FAM193A: variants seen among roughly 807,000 people sequenced by gnomAD.
FAM193A encodes the protein protein FAM193A.
FAM193A carries 22 observed loss-of-function variants against 126.5 expected under a neutral mutation model. The observed-to-expected ratio is 0.17, with a 90% CI of 0.12 to 0.25. FAM193A has a LOEUF of 0.25. Ranked by LOEUF, FAM193A falls within the 10% of genes least tolerant of loss-of-function variation. The pLI, the probability that FAM193A is intolerant of heterozygous loss-of-function variation, is 1.00. For synonymous variants in FAM193A, 761 were observed against 646.8 expected (o/e 1.18, Z -2.68); for missense variants, 1,675 against 1,672.8 (o/e 1.00, Z -0.02).
chr4:2,701,219 A>G (rs962220404), intron 19 of FAM193A, among the ~76,000 whole-genome samples: 1 of 151,418 alleles, frequency 6.6e-6, no homozygotes, highest in Non-Finnish European at 1.5e-5. Flanking sequence ...CACTGATCCA[A>G]TGCTATTCTC....
intron 10 of FAM193A, 65 bp downstream of exon 10, chr4:2,660,119 C>T: frequency 6.6e-7 from 1 of 1,510,066 alleles, no homozygotes; most frequent in East Asian, 2.3e-5. Flanking sequence ...GAAATACATA[C>T]AGTAATGTCC....
intron 19 of FAM193A, among the ~76,000 whole-genome samples, chr4:2,710,809 T>A (rs1169121795): frequency 6.6e-6 from 1 of 151,470 alleles, no homozygotes; most frequent in Non-Finnish European, 1.5e-5. Flanking sequence ...CCAGCCTACC[T>A]TGTTAATTTC....
chr4:2,642,973 G>T (rs1744788753), intron 6 of FAM193A, among the ~76,000 whole-genome samples: 2 of 152,116 alleles, frequency 1.3e-5, no homozygotes, highest in East Asian at 1.9e-4. Context: ...CCTAGTTCTG[G>T]ATTTTCCGTT....
chr4:2,712,526 G>T (rs1400530417), intron 19 of FAM193A, among the ~76,000 whole-genome samples: 2 of 152,114 alleles, frequency 1.3e-5, no homozygotes, highest in African/African-American at 4.8e-5. Flanking sequence ...CGGCCCATTT[G>T]CCTGACGAGA....
intron 1 of FAM193A, among the ~76,000 whole-genome samples, chr4:2,577,966 G>A (rs1011439295): frequency 6.6e-6 from 1 of 152,126 alleles, no homozygotes. Flanking sequence ...CCATTAGCAC[G>A]TATTATGTAC....
Position 2,699,837 on chromosome 4 carries a change from G to A in FAM193A, c.3665G>A (p.Arg1222Lys), listed in dbSNP as rs771325069. 1.2e-6 allele frequency: 2 copies of A among 1,613,916 alleles called. No individual in the cohort carries two copies. Among genetic ancestry groups the A allele is most frequent in the South Asian group, 2.2e-5 (2 of 91,082 alleles). ...CGGCTTCAGGAGCTTCAGAAGCTAA[G>A]AGCTGTAAAAAAGAAGAAGAAGGAG... ...FQRLQELQKLRAVKKKKKERP... is the reference protein window; with the variant it reads ...FQRLQELQKLKAVKKKKKERP... Residue 1222 changes from arginine to lysine, a missense_variant, in exon 19 of 21, where the codon AGA (arginine) becomes AAA (lysine). This residue lies in a region of FAM193A where 415 missense variants were observed against 396.7 expected (regional missense o/e 1.05). Transcript: ENST00000637812.
chr4:2,634,716 G>A (rs1247284155), intron 5 of FAM193A, among the ~76,000 whole-genome samples: 3 of 152,178 alleles, frequency 2.0e-5, no homozygotes, highest in South Asian at 2.1e-4. Context: ...GCAAGGAAAC[G>A]TATCAGATTT....
intron 6 of FAM193A, among the ~76,000 whole-genome samples, chr4:2,642,894 G>T (rs1170851496): frequency 6.6e-6 from 1 of 151,734 alleles, no homozygotes; most frequent in South Asian, 2.1e-4. Flanking sequence ...CACCACACCC[G>T]GCTAATTTTT....
intron 4 of FAM193A, among the ~76,000 whole-genome samples, chr4:2,627,385 A>AAACAGGTGGGTTTCTTTCTCACAT (rs1560494614): frequency 1.5e-4 from 20 of 137,778 alleles, no homozygotes; most frequent in Admixed American, 2.6e-4. Context: ...GGTCTCTAAC[A>AAACAGGTGGGTTTCTTTCTCACAT]TAATCCACCT....
intron 15 of FAM193A, 108 bp from the exon 16 acceptor site, chr4:2,693,478 G>A (rs571667516): frequency 2.2e-5 from 23 of 1,036,454 alleles, no homozygotes; most frequent in Middle Eastern, 4.4e-4. Flanking sequence ...TGAAGATGAA[G>A]CAAGGTGAAG....
intron 20 of FAM193A, among the ~76,000 whole-genome samples, chr4:2,722,995 C>T (rs866633195): frequency 7.9e-5 from 12 of 152,274 alleles, no homozygotes; most frequent in East Asian, 5.8e-4. Flanking sequence ...TACTTTAGGC[C>T]GGGCGCAGTG....
chr4:2,568,973 C>CT (rs753557878), intron 1 of FAM193A, among the ~76,000 whole-genome samples: 62,390 of 90,676 alleles, frequency 0.69, 22,236 homozygotes, highest in East Asian at 0.84. Context: ...TGTTGTTTTG[C>CT]TTTTTTTTTT....
At chr4:2,707,122 C>A (rs1365843757) in intron 19 of FAM193A, among the ~76,000 whole-genome samples, 1 of 151,552 alleles carries the variant, frequency 6.6e-6, no homozygotes, top group East Asian at 1.9e-4. Flanking sequence ...ACTCTGTCTC[C>A]CCCCACAAAA....
rs1721519726 is a variant in FAM193A at position 2,732,559 on chromosome 4, A to G, written c.*691A>G. On this transcript the variant is annotated 3_prime_UTR_variant, in exon 21 of 21. Transcript: ENST00000637812. ...TCTTTCTTTTTGAAAGATGGAATACATTAGTACAGCAGGAGACCTCGGCTG... is the reference window on the plus strand; with the variant it reads ...TCTTTCTTTTTGAAAGATGGAATACGTTAGTACAGCAGGAGACCTCGGCTG... 1 of 152,760 alleles carries G rather than the reference A, an allele frequency of 6.5e-6. No homozygotes were observed. The highest frequency in any genetic ancestry group is 2.1e-4 in the South Asian group (1 of 4,848). 9.5% of individuals were successfully genotyped at this position (152,760 alleles called of 1,614,324 possible).
In FAM193A at chr4:2,727,300, T is replaced by C. The variant is rs960606831; in HGVS notation, c.4455-4475T>C. Among the ~76,000 whole-genome samples, 21 of 152,174 alleles carry C rather than the reference T, an allele frequency of 1.4e-4. 1 individual carries two copies. Among genetic ancestry groups the C allele is most frequent in the Admixed American group, 1.2e-3 (19 of 15,270 alleles). On this transcript the variant is annotated intron_variant, in intron 20 of 20. Coordinates refer to ENST00000637812, the MANE Select transcript of FAM193A (RefSeq NM_001366318.2). ...CCAATTGCTGTTAGTTTTAAACTGGTGCATGAAGGTGAGTTCTCTCCCTGG... is the reference window on the plus strand; with the variant it reads ...CCAATTGCTGTTAGTTTTAAACTGGCGCATGAAGGTGAGTTCTCTCCCTGG...
chr4:2,575,246 G>C (rs1321601003), intron 1 of FAM193A, among the ~76,000 whole-genome samples: 6 of 152,156 alleles, frequency 3.9e-5, no homozygotes, highest in African/African-American at 1.4e-4. Flanking sequence ...GAGAATCCCA[G>C]GTGGCCGTGG....
At chr4:2,578,303 G>T (rs1739723317) in intron 1 of FAM193A, among the ~76,000 whole-genome samples, 1 of 151,628 alleles carries the variant, frequency 6.6e-6, no homozygotes, top group Non-Finnish European at 1.5e-5. Flanking sequence ...TTTTTGCATT[G>T]CCTGCTTTAT....
chr4:2,683,847 G>T (rs539663410), intron 13 of FAM193A, among the ~76,000 whole-genome samples: 20 of 152,282 alleles, frequency 1.3e-4, no homozygotes, highest in African/African-American at 4.8e-4. Flanking sequence ...TGGGGATATT[G>T]TTTCTGTTTT....
chr4:2,612,563 G>A (rs921910833), intron 2 of FAM193A, among the ~76,000 whole-genome samples: 8 of 152,056 alleles, frequency 5.3e-5, no homozygotes, highest in Admixed American at 1.3e-4. Context: ...AATAGTTTTA[G>A]CATATACATT....
Sources: allele counts gnomAD v4.1 joint callset (sites outside exome capture counted in the v4.1 genomes callset), GRCh38; gene constraint gnomAD v4.1.1; regional missense constraint gnomAD v4.1.1; transcripts MANE v1.5; gene names NCBI Gene and HGNC (gene_info 2026-07-23, HGNC 2026-07-21).